SULT2B1: variants seen among roughly 807,000 people sequenced by gnomAD.
SULT2B1 encodes sulfotransferase family 2B member 1.
A neutral mutation model predicts 33.2 loss-of-function variants in SULT2B1; 16 were observed. The observed-to-expected ratio is 0.48, with a 90% CI of 0.33 to 0.73. SULT2B1 has a LOEUF of 0.73. Among genes scored for constraint, SULT2B1 ranks in the 30% least tolerant of loss-of-function variants. SULT2B1 has a pLI of 0.02. For synonymous variants in SULT2B1, 186 were observed against 200.5 expected, an observed-to-expected ratio of 0.93 and a Z score of 0.61; for missense variants, 500 against 506.0, an observed-to-expected ratio of 0.99 and a Z score of 0.11.
At chr19:48,567,999 C>T (rs1483538777) in intron 1 of SULT2B1, among the ~76,000 whole-genome samples, 2 of 151,562 alleles carry the variant, frequency 1.3e-5, no homozygotes, top group Non-Finnish European at 2.9e-5. Flanking sequence ...AAGCAGGGCA[C>T]GGTGGCTTAT....
Position 48,587,552 on chromosome 19 carries a change from T to C in SULT2B1, c.423+115T>C, listed in dbSNP as rs11880831. The C allele has an allele frequency of 2.7e-3, 3,196 of 1,170,316 alleles. 6 individuals are homozygous for C. Among genetic ancestry groups the C allele is most frequent in the Middle Eastern group, 0.013 (48 of 3,602 alleles). 72.5% of individuals were successfully genotyped at this position (1,170,316 alleles called of 1,614,324 possible). The stretch of plus-strand genomic sequence containing the variant: ...GCACCTATTTGTTAAACACCTACTA[T>C]GTGCCTGACTCTGATCTAGCACAGT... On this transcript the variant is annotated intron_variant, in intron 3 of 6. Transcript: ENST00000201586.
intron 5 of SULT2B1, chr19:48,595,934 C>G (rs905942979): frequency 6.6e-6 from 1 of 152,652 alleles, no homozygotes; most frequent in Non-Finnish European, 1.5e-5. Flanking sequence ...GGATTACAGA[C>G]ATGAGCCACT....
chr19:48,559,789 G>T (rs866952944), intron 1 of SULT2B1, among the ~76,000 whole-genome samples: 39 of 152,080 alleles, frequency 2.6e-4, no homozygotes, highest in African/African-American at 8.9e-4. Flanking sequence ...AGAGCCCCAA[G>T]GATCTGGGAA....
chr19:48,585,966 C>T (rs993033491), intron 2 of SULT2B1, among the ~76,000 whole-genome samples: 3 of 152,146 alleles, frequency 2.0e-5, no homozygotes, highest in Non-Finnish European at 4.4e-5. Flanking sequence ...CCTCTGCTCC[C>T]AGCACCTTGG....
At chr19:48,569,749 C>T (rs1973296299) in intron 1 of SULT2B1, among the ~76,000 whole-genome samples, 2 of 151,838 alleles carry the variant, frequency 1.3e-5, no homozygotes, top group Non-Finnish European at 2.9e-5. Context: ...TCACCATGAC[C>T]TCCGCCTCCC....
intron 1 of SULT2B1, among the ~76,000 whole-genome samples, chr19:48,558,398 G>A (rs960348073): frequency 6.6e-6 from 1 of 152,160 alleles, no homozygotes; most frequent in South Asian, 2.1e-4. Flanking sequence ...GCTACGGAGA[G>A]TGTCAAGGCC....
chr19:48,598,128 A>T (rs1026345143), intron 6 of SULT2B1, among the ~76,000 whole-genome samples: 1 of 152,072 alleles, frequency 6.6e-6, no homozygotes, highest in African/African-American at 2.4e-5. Flanking sequence ...ATATGGAGGG[A>T]GTCTTTATTC....
chr19:48,592,516 G>GC (rs989256216), intron 4 of SULT2B1, among the ~76,000 whole-genome samples: 1 of 152,138 alleles, frequency 6.6e-6, no homozygotes, highest in Non-Finnish European at 1.5e-5. Flanking sequence ...ATAGACAAAG[G>GC]CCCCCCAAGA....
chr19:48,567,050 C>G (rs1973253790), intron 1 of SULT2B1, among the ~76,000 whole-genome samples: 1 of 151,982 alleles, frequency 6.6e-6, no homozygotes, highest in African/African-American at 2.4e-5. Context: ...CATGTATAAC[C>G]CAAGTCCCTG....
chr19:48,582,168 G>C (rs2665583), intron 2 of SULT2B1, among the ~76,000 whole-genome samples: 34,265 of 151,968 alleles, frequency 0.23, 4,994 homozygotes, highest in African/African-American at 0.42. Flanking sequence ...GCCTCCCAAA[G>C]TGCAGGGATT....
chr19:48,581,053 T>TG, intron 2 of SULT2B1, among the ~76,000 whole-genome samples: 1 of 127,466 alleles, frequency 7.8e-6, no homozygotes, highest in South Asian at 2.4e-4. Context: ...TTTTTTTTTT[T>TG]GAGATGGAGT....
chr19:48,576,360 T>TTTTTTTTTTTTC (rs1568408430), intron 2 of SULT2B1, among the ~76,000 whole-genome samples: 3 of 52,980 alleles, frequency 5.7e-5, no homozygotes, highest in Non-Finnish European at 7.6e-5. Context: ...TCTACTTCTC[T>TTTTTTTTTTTTC]TTTTTTTTTT....
intron 1 of SULT2B1, among the ~76,000 whole-genome samples, chr19:48,562,782 C>T (rs1973198628): frequency 6.6e-6 from 1 of 151,946 alleles, no homozygotes; most frequent in African/African-American, 2.4e-5. Flanking sequence ...CAGGTTCAGG[C>T]AATTCTCTTG....
intron 2 of SULT2B1, among the ~76,000 whole-genome samples, chr19:48,584,428 G>C (rs1288946736): frequency 6.6e-6 from 1 of 152,220 alleles, no homozygotes; most frequent in African/African-American, 2.4e-5. Context: ...ATCAGGAAGA[G>C]CCCCATCCTC....
intron 3 of SULT2B1, among the ~76,000 whole-genome samples, chr19:48,590,214 C>T (rs1973626521): frequency 6.6e-6 from 1 of 151,994 alleles, no homozygotes; most frequent in African/African-American, 2.4e-5. Context: ...GTCTCGAACA[C>T]CTGACCTCAG....
At chr19:48,597,259 G>A (rs1422682393) in intron 6 of SULT2B1, among the ~76,000 whole-genome samples, 3 of 152,004 alleles carry the variant, frequency 2.0e-5, no homozygotes, top group Admixed American at 6.6e-5. Flanking sequence ...GTTACGGGGC[G>A]CAGGCGGTAG....
At chr19:48,573,199 G>T (rs951064527) in intron 1 of SULT2B1, among the ~76,000 whole-genome samples, 2 of 151,510 alleles carry the variant, frequency 1.3e-5, no homozygotes, top group African/African-American at 4.9e-5. Flanking sequence ...GGGCTTGCAG[G>T]CAGAACCATT....
At chr19:48,574,352 G>A (rs1159818040) in intron 1 of SULT2B1, among the ~76,000 whole-genome samples, 3 of 152,208 alleles carry the variant, frequency 2.0e-5, no homozygotes, top group African/African-American at 7.2e-5. Context: ...GCTCCACCCT[G>A]GCCTCTGGGG....
chr19:48,599,142 C>A lies in SULT2B1; in HGVS notation c.834C>A (p.Cys278Ter). The A allele has an allele frequency of 6.3e-7, 1 of 1,577,892 alleles. No individual in the cohort carries two copies. Residue 278 changes from cysteine to a stop codon, truncating the protein, a stop_gained, in exon 7 of 7, where the codon TGC becomes TGA. Coordinates refer to ENST00000201586, the MANE Select transcript of SULT2B1 (RefSeq NM_177973.2). LOFTEE classifies it low-confidence loss of function (END_TRUNC). The surrounding 1 kb of genome is among the most constrained non-coding windows in gnomAD (Gnocchi z 4.1). ...RRGAFLRKGV[C>*]GDWKNHFTVA... Reference sequence around the variant, plus strand: ...GTGCCCCCTCTTCTCCAGGGGTCTGCGGCGACTGGAAGAACCACTTCACGG... The same window carrying A: ...GTGCCCCCTCTTCTCCAGGGGTCTGAGGCGACTGGAAGAACCACTTCACGG...
Sources: allele counts gnomAD v4.1 joint callset (sites outside exome capture counted in the v4.1 genomes callset), GRCh38; gene constraint gnomAD v4.1.1; non-coding constraint Gnocchi (gnomAD v3.1); transcripts MANE v1.5; gene names NCBI Gene and HGNC (gene_info 2026-07-23, HGNC 2026-07-21).